The following PDE4D variants were observed in gnomAD, a reference collection of about 807,000 sequenced individuals.
PDE4D encodes the protein phosphodiesterase 4D, also known as 3',5'-cyclic-AMP phosphodiesterase 4D.
Under a neutral mutation model 87.4 loss-of-function variants are expected in PDE4D, and 24 were observed. The observed-to-expected ratio is 0.27, with a 90% CI of 0.20 to 0.39. The LOEUF is 0.39. Ranked by LOEUF, PDE4D falls within the 10% of genes least tolerant of loss-of-function variation. The pLI, the probability that PDE4D is intolerant of heterozygous loss-of-function variation, is 1.00. For synonymous variants in PDE4D, 384 were observed against 383.2 expected (o/e 1.00, Z -0.02); for missense variants, 714 against 1,041.0 (o/e 0.69, Z 4.32).
At chr5:59,088,959 A>T (rs1437335045) in intron 5 of PDE4D, among the ~76,000 whole-genome samples, 1 of 152,188 alleles carries the variant, frequency 6.6e-6, no homozygotes, top group African/African-American at 2.4e-5. Flanking sequence ...ATAAAAAATA[A>T]ACAGAATAGT....
intron 1 of PDE4D, among the ~76,000 whole-genome samples, chr5:60,519,886 T>C (rs911331934): frequency 2.0e-5 from 3 of 152,168 alleles, no homozygotes; most frequent in East Asian, 1.9e-4. Context: ...GCCATATATG[T>C]AGGAGAAAAA....
At chr5:60,004,130 C>A (rs1375447772) in intron 2 of PDE4D, among the ~76,000 whole-genome samples, 2 of 151,874 alleles carry the variant, frequency 1.3e-5, no homozygotes, top group South Asian at 2.1e-4. Context: ...AATATGATAC[C>A]AAAAGTGTAG....
chr5:59,717,022 T>C (rs1755127780), intron 1 of PDE4D, among the ~76,000 whole-genome samples: 1 of 152,222 alleles, frequency 6.6e-6, no homozygotes, highest in Admixed American at 6.5e-5. Context: ...AAAGAGGATG[T>C]GAGGAGAGCC....
chr5:59,046,283 T>C (rs1760641192), intron 5 of PDE4D, among the ~76,000 whole-genome samples: 1 of 152,120 alleles, frequency 6.6e-6, no homozygotes, highest in African/African-American at 2.4e-5. Context: ...TGTGTGTGCA[T>C]GTGTGTAAGC....
chr5:59,128,022 G>GTGTA (rs1276237524), intron 5 of PDE4D, among the ~76,000 whole-genome samples: 2 of 93,770 alleles, frequency 2.1e-5, no homozygotes, highest in Non-Finnish European at 4.5e-5. Context: ...AGCCGTGTGT[G>GTGTA]TGTGTGTGTG....
At chr5:59,127,612 C>CACCCCCCA (rs1775626983) in intron 5 of PDE4D, among the ~76,000 whole-genome samples, 1 of 105,108 alleles carries the variant, frequency 9.5e-6, no homozygotes, top group South Asian at 3.3e-4. Context: ...CCCACCCCCC[C>CACCCCCCA]ACCCCCCACC....
intron 1 of PDE4D, among the ~76,000 whole-genome samples, chr5:59,706,802 T>C (rs952568991): frequency 1.3e-5 from 2 of 152,170 alleles, no homozygotes; most frequent in Middle Eastern, 3.2e-3. Context: ...CTTCTCCTTA[T>C]GCACACATAT....
chr5:60,170,553 T>C (rs907518936), intron 2 of PDE4D, among the ~76,000 whole-genome samples: 1 of 151,960 alleles, frequency 6.6e-6, no homozygotes, highest in African/African-American at 2.4e-5. Flanking sequence ...AATAAGGTAA[T>C]GTTTTTTAAG....
chr5:59,697,198 C>T (rs1751908792), intron 1 of PDE4D, among the ~76,000 whole-genome samples: 1 of 152,204 alleles, frequency 6.6e-6, no homozygotes, highest in African/African-American at 2.4e-5. Flanking sequence ...TCAGCATTTA[C>T]TGTGAGCCAC....
intron 1 of PDE4D, among the ~76,000 whole-genome samples, chr5:59,884,044 C>A (rs114378857): frequency 0.022 from 3,305 of 152,038 alleles, 65 homozygotes; most frequent in Non-Finnish European, 0.032. Context: ...ATAAAAACAA[C>A]ACATGCTCAT....
chr5:59,653,779 A>G (rs1319706410), intron 1 of PDE4D, among the ~76,000 whole-genome samples: 1 of 152,080 alleles, frequency 6.6e-6, no homozygotes, highest in Non-Finnish European at 1.5e-5. Context: ...TCATTATAAT[A>G]TCTATTTATG....
chr5:59,129,608 T>C (rs922873911), intron 5 of PDE4D, among the ~76,000 whole-genome samples: 1 of 152,214 alleles, frequency 6.6e-6, no homozygotes, highest in African/African-American at 2.4e-5. Context: ...ATTATATAAA[T>C]ATGATCTTTA....
intron 1 of PDE4D, among the ~76,000 whole-genome samples, chr5:59,456,136 A>C (rs1799890732): frequency 6.6e-6 from 1 of 152,126 alleles, no homozygotes; most frequent in South Asian, 2.1e-4. Context: ...AAATGTGAGG[A>C]TATGAGATTT....
chr5:59,189,231 C>CG (rs1554092706), intron 3 of PDE4D, among the ~76,000 whole-genome samples: 2 of 93,092 alleles, frequency 2.1e-5, no homozygotes, highest in African/African-American at 1.1e-4. Flanking sequence ...GTTCCTACCC[C>CG]GTTTTTTTTT....
chr5:59,247,413 A>G (rs1177590452), intron 1 of PDE4D, among the ~76,000 whole-genome samples: 2 of 152,148 alleles, frequency 1.3e-5, no homozygotes, highest in African/African-American at 4.8e-5. Context: ...GGCCCTGCCC[A>G]TTGTAACTCA....
At chr5:59,328,975 C>A (rs923522610) in intron 1 of PDE4D, among the ~76,000 whole-genome samples, 1 of 152,208 alleles carries the variant, frequency 6.6e-6, no homozygotes, top group African/African-American at 2.4e-5. Flanking sequence ...CTCACTGCCC[C>A]TTTGTTGTGG....
intron 5 of PDE4D, among the ~76,000 whole-genome samples, chr5:59,086,952 A>G (rs1362641877): frequency 1.3e-5 from 2 of 152,122 alleles, no homozygotes; most frequent in African/African-American, 2.4e-5. Context: ...GCCTACTCCA[A>G]TTCTACCTCC....
At chr5:59,330,390 G>A (rs898909879) in intron 1 of PDE4D, among the ~76,000 whole-genome samples, 6 of 152,020 alleles carry the variant, frequency 3.9e-5, no homozygotes, top group South Asian at 2.1e-4. Flanking sequence ...CTAGCCCCAG[G>A]CAACCTGTTC....
intron 1 of PDE4D, among the ~76,000 whole-genome samples, chr5:59,755,486 C>A (rs1761087380): frequency 6.6e-6 from 1 of 152,016 alleles, no homozygotes; most frequent in African/African-American, 2.4e-5. Flanking sequence ...GAAGGTGATT[C>A]AAGAATGATC....
Sources: gnomAD v4.1 joint callset for allele counts (sites outside exome capture counted in the v4.1 genomes callset) on GRCh38, gnomAD v4.1.1 for gene constraint, MANE v1.5 for transcripts, NCBI Gene and HGNC (gene_info 2026-07-23, HGNC 2026-07-21) for gene names.